SAMMSON: variants seen among roughly 807,000 people sequenced by gnomAD.
The protein encoded by SAMMSON is long intergenic non-protein coding RNA 1212.
chr3:70,032,191 A>C (rs1249064685), intron 3 of SAMMSON, among the ~76,000 whole-genome samples: 1 of 152,178 alleles, frequency 6.6e-6, no homozygotes, highest in Non-Finnish European at 1.5e-5. Context: ...TAACATTTCT[A>C]GGCTGCCCTC....
At chr3:70,068,973 T>C (rs1021446773) in intron 3 of SAMMSON, 4 of 152,156 alleles carry the variant, frequency 2.6e-5, no homozygotes, top group African/African-American at 9.6e-5. Flanking sequence ...CAAAGCACAT[T>C]GGAATATGTT....
intron 4 of SAMMSON, among the ~76,000 whole-genome samples, chr3:70,117,322 A>C (rs532521224): frequency 6.6e-6 from 1 of 152,358 alleles, no homozygotes; most frequent in African/African-American, 2.4e-5. Context: ...AGATTTTTCC[A>C]TAGTTGGTTG....
At chr3:70,004,748 A>G (rs2066919283) in intron 1 of SAMMSON, among the ~76,000 whole-genome samples, 1 of 152,106 alleles carries the variant, frequency 6.6e-6, no homozygotes, top group Non-Finnish European at 1.5e-5. Context: ...CTAACACCAC[A>G]TTACACAGGC....
At chr3:70,014,538 C>G (rs114177037) in intron 3 of SAMMSON, 2 of 152,286 alleles carry the variant, frequency 1.3e-5, no homozygotes, top group African/African-American at 2.4e-5. Flanking sequence ...CACATTTCAG[C>G]CAAATCCATA....
chr3:70,035,898 A>G (rs2067083598), intron 3 of SAMMSON, among the ~76,000 whole-genome samples: 1 of 152,202 alleles, frequency 6.6e-6, no homozygotes, highest in Admixed American at 6.5e-5. Context: ...CTGACCAAAT[A>G]AATAAAGTAT....
intron 4 of SAMMSON, among the ~76,000 whole-genome samples, chr3:70,180,668 T>G (rs1454980725): frequency 2.0e-5 from 3 of 152,106 alleles, no homozygotes; most frequent in Non-Finnish European, 4.4e-5. Context: ...ACTGAACAAT[T>G]AGGGATTACA....
At chr3:70,014,193 C>A (rs1325247048) in intron 3 of SAMMSON, 1 of 152,178 alleles carries the variant, frequency 6.6e-6, no homozygotes, top group Non-Finnish European at 1.5e-5. Flanking sequence ...CTTCCCACAC[C>A]TAGTGACCTG....
intron 7 of SAMMSON, among the ~76,000 whole-genome samples, chr3:70,292,480 C>G (rs976886185): frequency 2.6e-5 from 4 of 151,976 alleles, no homozygotes; most frequent in Non-Finnish European, 5.9e-5. Flanking sequence ...AGGAAACAAT[C>G]GTAAAGATGA....
At chr3:70,377,477 A>G (rs28562083) in intron 9 of SAMMSON, among the ~76,000 whole-genome samples, 2,396 of 152,244 alleles carry the variant, frequency 0.016, 57 homozygotes, top group African/African-American at 0.042. Context: ...ACTCCACAAG[A>G]TAAATAGAAA....
chr3:70,084,941 A>G (rs140519452), intron 4 of SAMMSON: 1 of 152,332 alleles, frequency 6.6e-6, no homozygotes, highest in Non-Finnish European at 1.5e-5. Context: ...TCCCAGACAC[A>G]AAGTGTACAT....
intron 7 of SAMMSON, among the ~76,000 whole-genome samples, chr3:70,321,862 A>C (rs1044827209): frequency 6.6e-6 from 1 of 151,972 alleles, no homozygotes; most frequent in Non-Finnish European, 1.5e-5. Context: ...ACTATTTCTT[A>C]CCCTCCCAAA....
intron 4 of SAMMSON, among the ~76,000 whole-genome samples, chr3:70,198,422 T>C (rs1701202396): frequency 1.3e-5 from 2 of 152,196 alleles, no homozygotes. Context: ...GCTCTTTTCT[T>C]TCATTATTCA....
chr3:70,020,029 A>T (rs910990176), intron 3 of SAMMSON, among the ~76,000 whole-genome samples: 2 of 152,146 alleles, frequency 1.3e-5, no homozygotes, highest in Non-Finnish European at 2.9e-5. Flanking sequence ...CTCTTTTCAC[A>T]GGCAGAAACA....
intron 4 of SAMMSON, among the ~76,000 whole-genome samples, chr3:70,097,953 A>G (rs1480845107): frequency 3.3e-5 from 5 of 152,210 alleles, no homozygotes; most frequent in African/African-American, 1.2e-4. Context: ...AACATTCTTC[A>G]TATTATTCTC....
At chr3:70,427,432 G>C (rs1218391554) in intron 2 of SAMMSON, among the ~76,000 whole-genome samples, 4 of 152,042 alleles carry the variant, frequency 2.6e-5, no homozygotes, top group Non-Finnish European at 5.9e-5. Context: ...TACCTAAAAG[G>C]TGATCCTCTT....
At chr3:70,295,898 C>T (rs1001840826) in intron 7 of SAMMSON, among the ~76,000 whole-genome samples, 3 of 152,120 alleles carry the variant, frequency 2.0e-5, no homozygotes, top group African/African-American at 4.8e-5. Flanking sequence ...GCCTTGTTTC[C>T]CATACTTGCT....
intron 4 of SAMMSON, among the ~76,000 whole-genome samples, chr3:70,128,435 T>C (rs1050442354): frequency 3.3e-5 from 5 of 152,174 alleles, no homozygotes; most frequent in Non-Finnish European, 5.9e-5. Context: ...TCCCAACAAA[T>C]ATTAGCTCCA....
chr3:70,071,028 G>A (rs1408910622), intron 3 of SAMMSON, among the ~76,000 whole-genome samples: 1 of 151,878 alleles, frequency 6.6e-6, no homozygotes, highest in African/African-American at 2.4e-5. Flanking sequence ...TGACTGACAT[G>A]TGGCATTTTG....
At chr3:70,409,941 T>C (rs968737765) in intron 2 of SAMMSON, among the ~76,000 whole-genome samples, 1 of 152,160 alleles carries the variant, frequency 6.6e-6, no homozygotes, top group African/African-American at 2.4e-5. Flanking sequence ...GTGAGCATAA[T>C]ACCCAACAGT....
Sources: allele counts gnomAD v4.1 joint callset (sites outside exome capture counted in the v4.1 genomes callset), GRCh38; gene constraint gnomAD v4.1.1; transcripts MANE v1.5; gene names NCBI Gene and HGNC (gene_info 2026-07-23, HGNC 2026-07-21).